Variants in PCDH7 observed in about 807,000 individuals in gnomAD.
PCDH7 encodes protocadherin-7.
PCDH7 carries 17 observed loss-of-function variants against 58.9 expected under a neutral mutation model. The observed-to-expected ratio is 0.29, with a 90% CI of 0.20 to 0.43. PCDH7 has a LOEUF of 0.43. Among genes scored for constraint, PCDH7 ranks in the 20% least tolerant of loss-of-function variants. PCDH7 has a pLI of 1.00. For synonymous variants in PCDH7, 664 were observed against 616.4 expected, an observed-to-expected ratio of 1.08 and a Z score of -1.14; for missense variants, 1,274 against 1,441.0, an observed-to-expected ratio of 0.88 and a Z score of 1.88.
At chr4:31,137,456 T>C (rs1160748122) in intron 3 of PCDH7, among the ~76,000 whole-genome samples, 1 of 152,092 alleles carries the variant, frequency 6.6e-6, no homozygotes, top group African/African-American at 2.4e-5. Context: ...TGGTGGTGCA[T>C]GCCTGTAGTG....
At chr4:30,829,669 T>C (rs1313008151) in intron 1 of PCDH7, among the ~76,000 whole-genome samples, 1 of 152,136 alleles carries the variant, frequency 6.6e-6, no homozygotes, top group African/African-American at 2.4e-5. Flanking sequence ...CATGTCATTA[T>C]TTTAAACAGA....
intron 2 of PCDH7, chr4:30,935,440 G>A (rs1745230019): frequency 2.6e-5 from 7 of 270,506 alleles, no homozygotes; most frequent in Non-Finnish European, 4.0e-5. Flanking sequence ...ACAAGTTCCA[G>A]TATTTATAAC....
chr4:31,027,589 A>G (rs1754542011), intron 3 of PCDH7, among the ~76,000 whole-genome samples: 1 of 151,756 alleles, frequency 6.6e-6, no homozygotes, highest in African/African-American at 2.4e-5. Context: ...CGCCCAACTA[A>G]TTTTTGTGTT....
At chr4:30,857,013 C>T (rs543151239) in intron 1 of PCDH7, among the ~76,000 whole-genome samples, 34 of 151,682 alleles carry the variant, frequency 2.2e-4, no homozygotes, top group African/African-American at 7.5e-4. Context: ...GGTGACTCAA[C>T]GTGGAGGTTG....
chr4:30,917,134 C>A (rs1258248396), intron 1 of PCDH7, among the ~76,000 whole-genome samples: 1 of 152,118 alleles, frequency 6.6e-6, no homozygotes, highest in Non-Finnish European at 1.5e-5. Flanking sequence ...TGTGTCATAA[C>A]CTTTGCGGTA....
At chr4:30,986,988 A>T (rs1403481805) in intron 3 of PCDH7, among the ~76,000 whole-genome samples, 1 of 152,116 alleles carries the variant, frequency 6.6e-6, no homozygotes, top group African/African-American at 2.4e-5. Context: ...TCAAAAAAAA[A>T]TAAGAAAGAT....
downstream of PCDH7, among the ~76,000 whole-genome samples, chr4:30,736,896 A>C (rs1716378786): frequency 6.6e-6 from 1 of 152,156 alleles, no homozygotes; most frequent in Non-Finnish European, 1.5e-5. Context: ...AGTTCTAGGA[A>C]GTCTGTTCTA....
intron 3 of PCDH7, among the ~76,000 whole-genome samples, chr4:31,027,409 T>C (rs529944911): frequency 6.6e-6 from 1 of 152,232 alleles, no homozygotes; most frequent in South Asian, 2.1e-4. Context: ...TGTGTATGTA[T>C]GTTATTATAT....
intron 3 of PCDH7, among the ~76,000 whole-genome samples, chr4:31,081,141 G>A (rs976677585): frequency 6.6e-6 from 1 of 152,024 alleles, no homozygotes; most frequent in African/African-American, 2.4e-5. Flanking sequence ...GCAGTATTTT[G>A]GAATAAAGAA....
At chr4:30,780,502 G>T (rs181263664) in intron 1 of PCDH7, among the ~76,000 whole-genome samples, 1 of 147,792 alleles carries the variant, frequency 6.8e-6, no homozygotes, top group African/African-American at 2.5e-5. Context: ...GCAAGACTCC[G>T]TCGAAAAGAA....
chr4:30,873,507 A>ATATACAAATTTAATTTGAGATCTT (rs1560456015), intron 1 of PCDH7, among the ~76,000 whole-genome samples: 6 of 152,094 alleles, frequency 3.9e-5, no homozygotes, highest in African/African-American at 1.4e-4. Context: ...TTTGAGATCT[A>ATATACAAATTTAATTTGAGATCTT]TATGTATTTC....
intron 2 of PCDH7, among the ~76,000 whole-genome samples, chr4:30,932,899 T>G (rs1476892694): frequency 5.3e-5 from 8 of 152,192 alleles, no homozygotes; most frequent in Non-Finnish European, 1.2e-4. Context: ...ATTCAGTAGA[T>G]AAGAAAGTCT....
chr4:31,054,353 C>T (rs1033222800), intron 3 of PCDH7, among the ~76,000 whole-genome samples: 5 of 152,150 alleles, frequency 3.3e-5, no homozygotes, highest in African/African-American at 1.2e-4. Context: ...TTAACATATA[C>T]CACGAGGGCT....
intron 1 of PCDH7, among the ~76,000 whole-genome samples, chr4:30,887,097 A>G (rs75143997): frequency 6.6e-6 from 1 of 151,854 alleles, no homozygotes; most frequent in Non-Finnish European, 1.5e-5. Context: ...AACCTGCACA[A>G]TGTGCAGGTT....
At chr4:31,130,582 A>C (rs1452464649) in intron 3 of PCDH7, among the ~76,000 whole-genome samples, 2 of 152,192 alleles carry the variant, frequency 1.3e-5, no homozygotes, top group Non-Finnish European at 2.9e-5. Flanking sequence ...TCTTAAGGCA[A>C]TGAAAATTTA....
chr4:31,051,971 G>A (rs7657737), intron 3 of PCDH7, among the ~76,000 whole-genome samples: 96,121 of 151,886 alleles, frequency 0.63, 32,904 homozygotes, highest in African/African-American at 0.9. Flanking sequence ...TATTCTGACG[G>A]ACTATTTTTC....
chr4:30,914,559 C>G (rs2109408634), intron 1 of PCDH7, among the ~76,000 whole-genome samples: 1 of 152,214 alleles, frequency 6.6e-6, no homozygotes, highest in East Asian at 1.9e-4. Context: ...AATTTTAGCA[C>G]TTTAATAGGA....
chr4:31,005,264 C>T (rs370436890), intron 3 of PCDH7, among the ~76,000 whole-genome samples: 2 of 152,218 alleles, frequency 1.3e-5, no homozygotes, highest in African/African-American at 2.4e-5. Context: ...AAGCTGGAAG[C>T]GACACTCCTT....
chr4:31,077,167 T>C (rs2109261660), intron 3 of PCDH7, among the ~76,000 whole-genome samples: 1 of 152,250 alleles, frequency 6.6e-6, no homozygotes, highest in East Asian at 1.9e-4. Flanking sequence ...TCCCAGCACT[T>C]TGGGAGGCCG....
Sources: gnomAD v4.1 joint callset for allele counts (sites outside exome capture counted in the v4.1 genomes callset) on GRCh38, gnomAD v4.1.1 for gene constraint, MANE v1.5 for transcripts, NCBI Gene and HGNC (gene_info 2026-07-23, HGNC 2026-07-21) for gene names.